Variants in ANO2 observed in about 807,000 individuals in gnomAD.
The protein encoded by ANO2 is anoctamin-2.
In ANO2, 101 loss-of-function variants were observed where a neutral mutation model predicts 124.2. That is an observed-to-expected ratio of 0.81 (90% CI 0.69 to 0.96). The LOEUF (loss-of-function observed/expected upper bound fraction) is 0.96. Among genes scored for constraint, ANO2 ranks in the 40% least tolerant of loss-of-function variants. The pLI is 0.00. For missense variants in ANO2, 1,293 were observed against 1,274.5 expected, an observed-to-expected ratio of 1.01 and a Z score of -0.22; for synonymous variants, 486 against 482.5, an observed-to-expected ratio of 1.01 and a Z score of -0.09.
At chr12:5,882,210 A>G (rs958799113) in intron 3 of ANO2, among the ~76,000 whole-genome samples, 20 of 152,232 alleles carry the variant, frequency 1.3e-4, no homozygotes, top group Non-Finnish European at 2.6e-4. Flanking sequence ...CTAAAGACCT[A>G]TCCTACAGTC....
chr12:5,646,815 G>A (rs1420240177), intron 15 of ANO2, among the ~76,000 whole-genome samples: 2 of 152,192 alleles, frequency 1.3e-5, no homozygotes, highest in African/African-American at 4.8e-5. Context: ...TGATATCTAA[G>A]TTTCCTTCAC....
At chr12:5,820,975 GC>G (rs1350475969) in intron 7 of ANO2, among the ~76,000 whole-genome samples, 1 of 152,188 alleles carries the variant, frequency 6.6e-6, no homozygotes. Context: ...AGCTGGCAAG[GC>G]CATTAATACA....
intron 3 of ANO2, among the ~76,000 whole-genome samples, chr12:5,897,897 T>C (rs1939905525): frequency 1.3e-5 from 2 of 152,084 alleles, no homozygotes; most frequent in South Asian, 2.1e-4. Context: ...AAAAGATCAA[T>C]AAAATGACGT....
chr12:5,852,438 G>A (rs1207174862), intron 4 of ANO2, among the ~76,000 whole-genome samples: 1 of 152,108 alleles, frequency 6.6e-6, no homozygotes, highest in East Asian at 1.9e-4. Context: ...GTTTGTGTTT[G>A]TTCATTGTTT....
intron 12 of ANO2, among the ~76,000 whole-genome samples, chr12:5,742,442 T>C (rs560604578): frequency 2.0e-5 from 3 of 152,160 alleles, no homozygotes; most frequent in Admixed American, 6.5e-5. Flanking sequence ...GTACTTTCCC[T>C]GCACTGTGAT....
chr12:5,767,529 A>G (rs1951934144), intron 10 of ANO2, among the ~76,000 whole-genome samples: 1 of 152,242 alleles, frequency 6.6e-6, no homozygotes, highest in African/African-American at 2.4e-5. Flanking sequence ...TTCAGCATCT[A>G]TATGTGCCAA....
intron 10 of ANO2, among the ~76,000 whole-genome samples, chr12:5,780,060 G>A (rs576008427): frequency 1.1e-4 from 16 of 152,282 alleles, no homozygotes; most frequent in Non-Finnish European, 4.4e-5. Context: ...TTGAAAATCA[G>A]ATGTAAGAAA....
At chr12:5,564,851 C>T (rs1565415917) in intron 24 of ANO2, among the ~76,000 whole-genome samples, 1 of 152,136 alleles carries the variant, frequency 6.6e-6, no homozygotes, top group Non-Finnish European at 1.5e-5. Context: ...GGGCAGGATA[C>T]TTTAGAGCCC....
chr12:5,564,862 C>A (rs1467751373), intron 24 of ANO2, among the ~76,000 whole-genome samples: 1 of 152,128 alleles, frequency 6.6e-6, no homozygotes, highest in African/African-American at 2.4e-5. Context: ...TTTAGAGCCC[C>A]CCAGAGATCT....
At chr12:5,593,275 A>C (rs1943499185) in intron 20 of ANO2, among the ~76,000 whole-genome samples, 1 of 152,206 alleles carries the variant, frequency 6.6e-6, no homozygotes, top group Non-Finnish European at 1.5e-5. Context: ...AGCTGGGGGA[A>C]GGCTGTAAGG....
intron 10 of ANO2, among the ~76,000 whole-genome samples, chr12:5,767,921 C>A (rs1237328232): frequency 2.0e-5 from 3 of 152,150 alleles, no homozygotes; most frequent in African/African-American, 7.2e-5. Flanking sequence ...CCTTGTTCCA[C>A]CCCAGCCCCT....
chr12:5,632,521 A>G (rs1178663939), intron 16 of ANO2, among the ~76,000 whole-genome samples: 1 of 152,154 alleles, frequency 6.6e-6, no homozygotes, highest in East Asian at 1.9e-4. Flanking sequence ...TCCAGGGCAC[A>G]GACTTTCTTA....
chr12:5,945,790 A>G (rs1252974847), upstream of ANO2, among the ~76,000 whole-genome samples: 1 of 152,226 alleles, frequency 6.6e-6, no homozygotes, highest in East Asian at 1.9e-4. Flanking sequence ...AAGCAGAACA[A>G]AAGGGAGAAG....
At chr12:5,574,752 G>A (rs953416940) in intron 23 of ANO2, among the ~76,000 whole-genome samples, 5 of 152,292 alleles carry the variant, frequency 3.3e-5, no homozygotes, top group South Asian at 4.2e-4. Context: ...TGTCCTCACT[G>A]AGAACAGATC....
At chr12:5,569,359 G>GC (rs397710887) in intron 23 of ANO2, among the ~76,000 whole-genome samples, 6 of 1,370 alleles carry the variant, frequency 4.4e-3, no homozygotes, top group African/African-American at 4.7e-3. Context: ...TGCCAGCCGT[G>GC]CCCCCAAAGA....
At chr12:5,679,555 A>G (rs766476508) in intron 14 of ANO2, among the ~76,000 whole-genome samples, 2 of 152,254 alleles carry the variant, frequency 1.3e-5, no homozygotes, top group Non-Finnish European at 2.9e-5. Flanking sequence ...ATCACTGATC[A>G]TTATAAAAAT....
intron 14 of ANO2, among the ~76,000 whole-genome samples, chr12:5,693,599 A>G (rs1949035482): frequency 6.6e-6 from 1 of 151,974 alleles, no homozygotes; most frequent in East Asian, 1.9e-4. Flanking sequence ...AGCCCTGGTG[A>G]CTTCCCATCT....
chr12:5,827,569 T>G (rs1954000878), intron 7 of ANO2, among the ~76,000 whole-genome samples, 200 bp downstream of exon 7: 1 of 152,076 alleles, frequency 6.6e-6, no homozygotes, highest in Non-Finnish European at 1.5e-5. Context: ...TACAACAGCC[T>G]GGGGGCAGCC....
chr12:5,903,930 G>T (rs1220354339), intron 3 of ANO2, among the ~76,000 whole-genome samples: 3 of 152,146 alleles, frequency 2.0e-5, no homozygotes, highest in Non-Finnish European at 4.4e-5. Flanking sequence ...GCAAGAGGTG[G>T]TGAGCAGATT....
Sources: allele counts gnomAD v4.1 joint callset (sites outside exome capture counted in the v4.1 genomes callset), GRCh38; gene constraint gnomAD v4.1.1; transcripts MANE v1.5; gene names NCBI Gene and HGNC (gene_info 2026-07-23, HGNC 2026-07-21).